ASTN2: variants seen among roughly 807,000 people sequenced by gnomAD.
ASTN2 encodes the protein astrotactin-2.
A neutral mutation model predicts 139.8 loss-of-function variants in ASTN2; 54 were observed. That is an observed-to-expected ratio of 0.39 (90% CI 0.31 to 0.48). The LOEUF (loss-of-function observed/expected upper bound fraction) is 0.48, where lower values mean the gene tolerates loss of function less well. Among genes scored for constraint, ASTN2 ranks in the 20% least tolerant of loss-of-function variants. ASTN2 has a pLI of 0.95. For missense variants in ASTN2, 1,565 were observed against 1,725.1 expected, an observed-to-expected ratio of 0.91 and a Z score of 1.64; for synonymous variants, 756 against 719.5, an observed-to-expected ratio of 1.05 and a Z score of -0.81.
intron 2 of ASTN2, among the ~76,000 whole-genome samples, chr9:117,261,510 T>G (rs895841057): frequency 1.3e-5 from 2 of 152,208 alleles, no homozygotes; most frequent in Non-Finnish European, 2.9e-5. Context: ...AGCAAATGTT[T>G]CTTCAATAAA....
At chr9:116,544,698 C>T (rs1336123196) in intron 19 of ASTN2, among the ~76,000 whole-genome samples, 1 of 152,136 alleles carries the variant, frequency 6.6e-6, no homozygotes, top group East Asian at 1.9e-4. Context: ...ACTTTTGACA[C>T]CAAAGGTCAC....
intron 1 of ASTN2, among the ~76,000 whole-genome samples, chr9:117,376,315 T>C (rs909509375): frequency 6.6e-6 from 1 of 152,150 alleles, no homozygotes; most frequent in Non-Finnish European, 1.5e-5. Context: ...CCCAAACTAG[T>C]ACAATATCAA....
At chr9:116,855,700 T>TTTG (rs1297325657) in intron 11 of ASTN2, among the ~76,000 whole-genome samples, 3 of 152,290 alleles carry the variant, frequency 2.0e-5, no homozygotes, top group Non-Finnish European at 4.4e-5. Context: ...AGCTTTGGAG[T>TTTG]TTGACAGAGT....
At chr9:117,264,275 C>A (rs1275475789) in intron 2 of ASTN2, among the ~76,000 whole-genome samples, 1 of 152,058 alleles carries the variant, frequency 6.6e-6, no homozygotes, top group African/African-American at 2.4e-5. Context: ...TTTAGAGTTA[C>A]ATCTACTGAA....
At chr9:116,624,159 A>G (rs1856320877) in intron 17 of ASTN2, among the ~76,000 whole-genome samples, 1 of 152,206 alleles carries the variant, frequency 6.6e-6, no homozygotes, top group South Asian at 2.1e-4. Flanking sequence ...AAACAGCCAC[A>G]AAAATATTAA....
chr9:116,522,165 A>T (rs2119239694), intron 19 of ASTN2, among the ~76,000 whole-genome samples: 1 of 152,312 alleles, frequency 6.6e-6, no homozygotes, highest in African/African-American at 2.4e-5. Context: ...ACTACTAGGT[A>T]TATATCTAGA....
chr9:116,738,009 G>A (rs1473313757), intron 13 of ASTN2, among the ~76,000 whole-genome samples: 1 of 150,554 alleles, frequency 6.6e-6, no homozygotes, highest in Non-Finnish European at 1.5e-5. Context: ...TGGCTAACAC[G>A]GTGAAACCCC....
intron 2 of ASTN2, among the ~76,000 whole-genome samples, chr9:117,272,199 T>A (rs937597361): frequency 2.0e-5 from 3 of 152,198 alleles, no homozygotes; most frequent in Non-Finnish European, 2.9e-5. Context: ...CTAAACACCA[T>A]GTGGAAGCTG....
intron 3 of ASTN2, among the ~76,000 whole-genome samples, chr9:117,206,618 C>A (rs972546439): frequency 1.3e-5 from 2 of 152,162 alleles, no homozygotes; most frequent in Non-Finnish European, 2.9e-5. Flanking sequence ...ACACGGGTGG[C>A]TGAATGTCAC....
intron 19 of ASTN2, among the ~76,000 whole-genome samples, chr9:116,588,669 G>A (rs185771078): frequency 2.3e-3 from 354 of 151,994 alleles, no homozygotes; most frequent in Admixed American, 5.2e-3. Context: ...ATGCTGGAAC[G>A]CTCAAGAAAT....
chr9:116,920,870 C>T (rs1024060562), intron 10 of ASTN2, among the ~76,000 whole-genome samples: 1 of 152,222 alleles, frequency 6.6e-6, no homozygotes, highest in Non-Finnish European at 1.5e-5. Context: ...GGATTCAAGT[C>T]TAGCTGATCT....
chr9:116,924,786 T>C (rs1834710184), intron 10 of ASTN2, among the ~76,000 whole-genome samples: 1 of 152,190 alleles, frequency 6.6e-6, no homozygotes, highest in African/African-American at 2.4e-5. Flanking sequence ...ATAGCTTCTT[T>C]ACTGCAACCT....
chr9:116,741,935 G>GTTCA (rs1244990751), intron 13 of ASTN2, among the ~76,000 whole-genome samples: 2 of 152,188 alleles, frequency 1.3e-5, no homozygotes, highest in Middle Eastern at 3.4e-3. Context: ...CCATTCATTC[G>GTTCA]TTCATTCATT....
chr9:116,502,675 AAAGGAAAGAAGG>A, intron 19 of ASTN2, among the ~76,000 whole-genome samples: 1 of 134,218 alleles, frequency 7.5e-6, no homozygotes, highest in East Asian at 2.5e-4. Flanking sequence ...CAGAAGGAAG[AAAGGAAAGAAGG>A]AAGGAAGGAA....
Position 117,008,103 on chromosome 9 carries a change from T to A in ASTN2, c.1580A>T (p.Asp527Val). ...RTTDACEQLCDPETGECSCHE... is the reference protein window; with the variant it reads ...RTTDACEQLCVPETGECSCHE... ...CTCCCATGGCTCACCGGTTTCTGGG[T>A]CGCAGAGCTGCTCACAGGCATCTGT... The change falls in exon 7 of 23, where the codon GAC (aspartate) becomes GTC (valine). Residue 527 changes from aspartate (D) to valine (V), a missense_variant. Transcript: ENST00000313400. 1.9e-6 allele frequency: 3 copies of A among 1,594,026 alleles called. No individual in the cohort carries two copies. In the South Asian group the frequency reaches 3.4e-5, roughly 18 times the overall value.
At chr9:116,731,223 A>ATAC (rs1491454452) in intron 14 of ASTN2, among the ~76,000 whole-genome samples, 34 of 127,450 alleles carry the variant, frequency 2.7e-4, no homozygotes, top group East Asian at 1.1e-3. Context: ...AATAATAATA[A>ATAC]TAAATCTTTT....
At chr9:117,285,424 G>A (rs950155545) in intron 2 of ASTN2, among the ~76,000 whole-genome samples, 1 of 151,872 alleles carries the variant, frequency 6.6e-6, no homozygotes, top group Non-Finnish European at 1.5e-5. Context: ...AAACGTCACG[G>A]TTGGAGCAAT....
rs562349907 is a variant in ASTN2, at chr9:117,132,165, CA to C, written c.1168+9160del. Among the ~76,000 whole-genome samples, 346 of 152,104 alleles carry C rather than the reference CA, an allele frequency of 2.3e-3. 2 individuals are homozygous for C. Among genetic ancestry groups the C allele is most frequent in the African/African-American group, 8.1e-3 (335 of 41,488 alleles). ...TGATGTGTACCTTTTGGGCTCAATC[CA>C]AAAAACCTTGCAGCTCCTACTTCTG... On this transcript the variant is annotated intron_variant, in intron 4 of 22. Coordinates refer to ENST00000313400, the MANE Select transcript of ASTN2 (RefSeq NM_001365068.1).
intron 1 of ASTN2, among the ~76,000 whole-genome samples, chr9:117,332,945 A>G (rs1288124068): frequency 6.6e-6 from 1 of 152,242 alleles, no homozygotes; most frequent in Admixed American, 6.5e-5. Context: ...ATATGTCCAG[A>G]AAGTAGACTA....
Sources: gnomAD v4.1 joint callset for allele counts (sites outside exome capture counted in the v4.1 genomes callset) on GRCh38, gnomAD v4.1.1 for gene constraint, MANE v1.5 for transcripts, NCBI Gene and HGNC (gene_info 2026-07-23, HGNC 2026-07-21) for gene names.